The following PIGL variants were observed in gnomAD, a reference collection of about 807,000 sequenced individuals.
The protein encoded by PIGL is phosphatidylinositol glycan anchor biosynthesis class L, also known as N-acetylglucosaminyl-phosphatidylinositol de-N-acetylase.
PIGL carries 22 observed loss-of-function variants against 31.1 expected under a neutral mutation model. The observed-to-expected ratio is 0.71, with a 90% CI of 0.51 to 1.01. The LOEUF (loss-of-function observed/expected upper bound fraction) is 1.01. PIGL is among the 50% of genes least tolerant of loss of function. The probability of loss-of-function intolerance (pLI) is 0.00; values close to 1 mark genes in which losing one functional copy is unlikely to be tolerated. For missense variants in PIGL, 302 were observed against 315.9 expected (o/e 0.96, Z 0.33); for synonymous variants, 131 against 117.4 (o/e 1.12, Z -0.75).
intron 2 of PIGL, chr17:16,282,080 C>T: frequency 2.0e-6 from 1 of 511,884 alleles, no homozygotes; most frequent in Non-Finnish European, 4.1e-6. Flanking sequence ...ATCTGGAGAC[C>T]ACTGCCTTTC....
At chr17:16,309,779 A>G (rs2093040915) in intron 3 of PIGL, among the ~76,000 whole-genome samples, 1 of 150,856 alleles carries the variant, frequency 6.6e-6, no homozygotes, top group African/African-American at 2.4e-5. Context: ...AAAAAGAAAG[A>G]AAGAAATATA....
chr17:16,256,403 T>C (rs2092793644), intron 2 of PIGL, among the ~76,000 whole-genome samples: 1 of 152,180 alleles, frequency 6.6e-6, no homozygotes, highest in Non-Finnish European at 1.5e-5. Context: ...AATGGCATGA[T>C]CTCGGCTCAC....
intron 1 of PIGL, among the ~76,000 whole-genome samples, chr17:16,219,208 G>C (rs1225661655): frequency 6.6e-6 from 1 of 151,502 alleles, no homozygotes; most frequent in African/African-American, 2.4e-5. Context: ...CCGCCACCAT[G>C]CCCAGCTAAT....
chr17:16,252,066 C>CTTTTTTTTTTTTTTTTTTTTTTTT (rs66540057), intron 2 of PIGL, among the ~76,000 whole-genome samples: 1 of 123,836 alleles, frequency 8.1e-6, no homozygotes, highest in African/African-American at 4.2e-5. Context: ...TTTTTTTTTC[C>CTTTTTTTTTTTTTTTTTTTTTTTT]TTTTTTTTTT....
chr17:16,286,787 G>A (rs1461019267), intron 2 of PIGL, among the ~76,000 whole-genome samples: 1 of 152,050 alleles, frequency 6.6e-6, no homozygotes, highest in African/African-American at 2.4e-5. Flanking sequence ...AGCCAGACGC[G>A]CAATGCCATC....
chr17:16,227,144 T>C (rs1184175212), intron 1 of PIGL, among the ~76,000 whole-genome samples: 2 of 151,990 alleles, frequency 1.3e-5, no homozygotes, highest in African/African-American at 2.4e-5. Flanking sequence ...AGTCTCCCTC[T>C]GTCACCCAGG....
At chr17:16,315,939 G>T (rs893207770) in intron 4 of PIGL, among the ~76,000 whole-genome samples, 1 of 151,652 alleles carries the variant, frequency 6.6e-6, no homozygotes, top group East Asian at 1.9e-4. Context: ...CTCGTGATCC[G>T]CTTGCCTCGG....
chr17:16,300,022 C>T lies in PIGL; in HGVS notation c.426+44C>T, dbSNP rs374492809. 21 of 1,432,024 alleles carry T rather than the reference C, an allele frequency of 1.5e-5. No homozygotes were observed. The African/African-American group carries it at 2.5e-4, about 17-fold the overall frequency. The allele number at this position is 1,432,024 out of a possible 1,614,324, so 88.7% of individuals were successfully genotyped here. A position where few individuals can be genotyped will look rare whatever the true frequency, so the allele number is the denominator to read the frequency against. ...GAATGGAAAACCTGAGGTCTTGGTC[C>T]CATTCACACCAGGTGGTTTCTGTAA... On this transcript the variant is annotated intron_variant, in intron 3 of 6. Transcript: ENST00000225609.
chr17:16,238,963 G>A (rs1207467640), intron 2 of PIGL, among the ~76,000 whole-genome samples: 1 of 141,614 alleles, frequency 7.1e-6, no homozygotes, highest in East Asian at 2.5e-4. Flanking sequence ...GGTTGGTCTT[G>A]AACTCCTGAC....
intron 2 of PIGL, among the ~76,000 whole-genome samples, chr17:16,252,984 G>A (rs565406276): frequency 1.1e-4 from 17 of 152,136 alleles, no homozygotes; most frequent in African/African-American, 3.9e-4. Context: ...TTGGGAGGCC[G>A]AGGTGGGCGG....
At chr17:16,266,017 C>T (rs181033485) in intron 2 of PIGL, among the ~76,000 whole-genome samples, 5 of 152,158 alleles carry the variant, frequency 3.3e-5, no homozygotes, top group Admixed American at 2.6e-4. Context: ...AGTGAGAGGA[C>T]ATGTCTGAAA....
chr17:16,303,387 C>T (rs1055599191), intron 3 of PIGL, among the ~76,000 whole-genome samples: 1 of 152,208 alleles, frequency 6.6e-6, no homozygotes, highest in African/African-American at 2.4e-5. Flanking sequence ...CAGCTGTTAA[C>T]TGCCACCTCC....
chr17:16,302,251 C>T (rs2093007935), intron 3 of PIGL, among the ~76,000 whole-genome samples: 1 of 152,114 alleles, frequency 6.6e-6, no homozygotes, highest in Non-Finnish European at 1.5e-5. Flanking sequence ...TTGCAGGCCC[C>T]ACACTCCCTG....
intron 2 of PIGL, among the ~76,000 whole-genome samples, chr17:16,278,844 T>G (rs1423903405): frequency 1.3e-5 from 2 of 152,258 alleles, no homozygotes; most frequent in African/African-American, 4.8e-5. Context: ...TTTACTTTTC[T>G]GACAATATTT....
intron 5 of PIGL, 118 bp from the exon 6 acceptor site, chr17:16,317,657 A>G: frequency 6.5e-7 from 1 of 1,529,346 alleles, no homozygotes; most frequent in Non-Finnish European, 8.8e-7. Flanking sequence ...ACACGTGGCA[A>G]TGCTGTGGCC....
chr17:16,222,090 G>A (rs1415872431), intron 1 of PIGL, among the ~76,000 whole-genome samples: 1 of 152,084 alleles, frequency 6.6e-6, no homozygotes, highest in Admixed American at 6.6e-5. Flanking sequence ...TCATTCAAAC[G>A]TGTGGATTAA....
At chr17:16,275,265 CTG>C (rs2092890062) in intron 2 of PIGL, among the ~76,000 whole-genome samples, 1 of 152,154 alleles carries the variant, frequency 6.6e-6, no homozygotes, top group Admixed American at 6.6e-5. Flanking sequence ...CATTTGTAAA[CTG>C]TCAGTGGCAC....
intron 3 of PIGL, among the ~76,000 whole-genome samples, chr17:16,304,701 G>C (rs942532391): frequency 6.6e-6 from 1 of 152,162 alleles, no homozygotes; most frequent in Non-Finnish European, 1.5e-5. Context: ...TGTTAAGCAG[G>C]CTAGGTCCTG....
At position 16,249,109 on chromosome 17, in the gene PIGL, G is replaced by A. The variant is rs112309955; in HGVS notation, c.335+15039G>A. 9.9e-5 allele frequency among the ~76,000 whole-genome samples: 15 copies of A among 152,246 alleles called. No individual in the cohort carries two copies. The East Asian group carries it at 1.2e-3, about 12-fold the overall frequency. On this transcript the variant is annotated intron_variant, in intron 2 of 6. Coordinates refer to ENST00000225609, the MANE Select transcript of PIGL (RefSeq NM_004278.4). Reference sequence around the variant, plus strand: ...CCACAGTTTTGCTTTCTGTGGTTTCGGTTACCTGCAGTCAACTGTGGTCTA... The same window carrying A: ...CCACAGTTTTGCTTTCTGTGGTTTCAGTTACCTGCAGTCAACTGTGGTCTA...
Sources: gnomAD v4.1 joint callset for allele counts (sites outside exome capture counted in the v4.1 genomes callset) on GRCh38, gnomAD v4.1.1 for gene constraint, MANE v1.5 for transcripts, NCBI Gene and HGNC (gene_info 2026-07-23, HGNC 2026-07-21) for gene names.